EFCAB11: variants seen among roughly 807,000 people sequenced by gnomAD.
EFCAB11 encodes EF-hand calcium-binding domain-containing protein 11.
Under a neutral mutation model 23.0 loss-of-function variants are expected in EFCAB11, and 14 were observed. The ratio of observed to expected loss-of-function variants is 0.61; its 90% CI spans 0.40 to 0.95. The LOEUF is 0.95. Among genes scored for constraint, EFCAB11 ranks in the 40% least tolerant of loss-of-function variants. The pLI is 0.00. For synonymous variants in EFCAB11, 65 were observed against 66.6 expected, an observed-to-expected ratio of 0.98 and a Z score of 0.11; for missense variants, 198 against 195.8, an observed-to-expected ratio of 1.01 and a Z score of -0.07.
intron 5 of EFCAB11, among the ~76,000 whole-genome samples, chr14:89,922,330 C>T (rs1033759179): frequency 3.9e-5 from 6 of 152,194 alleles, no homozygotes; most frequent in Non-Finnish European, 8.8e-5. Flanking sequence ...GTGGTGGATT[C>T]TGAATAATAT....
At chr14:89,808,113 G>A (rs897117668) in intron 5 of EFCAB11, among the ~76,000 whole-genome samples, 6 of 152,234 alleles carry the variant, frequency 3.9e-5, no homozygotes, top group Non-Finnish European at 7.4e-5. Flanking sequence ...CCTCTCTTCC[G>A]GGGAACACAG....
intron 5 of EFCAB11, among the ~76,000 whole-genome samples, chr14:89,803,794 C>A (rs533137836): frequency 6.6e-6 from 1 of 152,340 alleles, no homozygotes; most frequent in Admixed American, 6.5e-5. Flanking sequence ...GCAGCCTTCT[C>A]TTCTGAGGAG....
chr14:89,904,328 G>A (rs182710824), intron 5 of EFCAB11, among the ~76,000 whole-genome samples: 18 of 152,210 alleles, frequency 1.2e-4, no homozygotes, highest in Middle Eastern at 3.4e-3. Flanking sequence ...TGGCTGCACA[G>A]GATTCCATGG....
At chr14:89,884,384 T>G (rs1888689512) in intron 5 of EFCAB11, among the ~76,000 whole-genome samples, 1 of 152,120 alleles carries the variant, frequency 6.6e-6, no homozygotes. Context: ...TCCCTTAATC[T>G]AATAAAGGTT....
At position 89,834,342 on chromosome 14, in the gene EFCAB11, C is replaced by T. The variant is rs537429917; in HGVS notation, c.411-37018G>A. On this transcript the variant is annotated intron_variant, in intron 5 of 5. Transcript: ENST00000316738. ...AGCGAGCCGAGATCGCACCACTGCACTCCAGCCTGGGCAACAGAGTGAGAC... is the reference window on the plus strand; with the variant it reads ...AGCGAGCCGAGATCGCACCACTGCATTCCAGCCTGGGCAACAGAGTGAGAC... 3.1e-3 allele frequency among the ~76,000 whole-genome samples: 433 copies of T among 138,570 alleles called. 2 individuals are homozygous for T. Among genetic ancestry groups the T allele is most frequent in the African/African-American group, 0.012 (416 of 35,856 alleles). 90.9% of individuals were successfully genotyped at this position (138,570 alleles called of 152,430 possible).
At chr14:89,819,734 G>A (rs1357815274) in intron 5 of EFCAB11, among the ~76,000 whole-genome samples, 2 of 152,088 alleles carry the variant, frequency 1.3e-5, no homozygotes, top group East Asian at 3.9e-4. Flanking sequence ...ACTGTGCCCA[G>A]CCCCAAAGAA....
intron 3 of EFCAB11, among the ~76,000 whole-genome samples, chr14:89,937,629 G>A (rs8003693): frequency 0.088 from 13,353 of 152,094 alleles, 1,487 homozygotes; most frequent in African/African-American, 0.26. Flanking sequence ...GGGTTCAAGC[G>A]ATTCTACTGC....
intron 5 of EFCAB11, among the ~76,000 whole-genome samples, chr14:89,813,638 C>A (rs955512297): frequency 2.0e-5 from 3 of 149,850 alleles, no homozygotes; most frequent in Non-Finnish European, 3.0e-5. Flanking sequence ...CCACCTCCCA[C>A]CCCCTGCCCC....
rs187532825 is a variant in EFCAB11 at position 89,854,815 on chromosome 14, C to T, written c.411-57491G>A. On this transcript the variant is annotated intron_variant, in intron 5 of 5. Coordinates refer to ENST00000316738, the MANE Select transcript of EFCAB11 (RefSeq NM_145231.4). ...CCATCCACCGTGCATCCTGTCACCA[C>T]GATCCTGTAGATTTAGACATGAAAT... 4.7e-3 allele frequency among the ~76,000 whole-genome samples: 716 copies of T among 152,194 alleles called. 4 individuals carry two copies. Among genetic ancestry groups the T allele is most frequent in the Non-Finnish European group, 7.9e-3 (535 of 68,034 alleles).
chr14:89,905,107 TG>T (rs1889456867), intron 5 of EFCAB11, among the ~76,000 whole-genome samples: 1 of 152,212 alleles, frequency 6.6e-6, no homozygotes, highest in Non-Finnish European at 1.5e-5. Context: ...TGGAAGGAGC[TG>T]TGACCATCTC....
chr14:89,812,675 T>C (rs1886185524), intron 5 of EFCAB11, among the ~76,000 whole-genome samples: 1 of 152,218 alleles, frequency 6.6e-6, no homozygotes, highest in Non-Finnish European at 1.5e-5. Flanking sequence ...AAAGGCATTA[T>C]ATATAAATGG....
chr14:89,821,857 G>C (rs1309694783), intron 5 of EFCAB11, among the ~76,000 whole-genome samples: 1 of 152,170 alleles, frequency 6.6e-6, no homozygotes, highest in Non-Finnish European at 1.5e-5. Flanking sequence ...TCTTGATTTA[G>C]TCTCTGGTTT....
At chr14:89,829,438 G>T (rs1031093096) in intron 5 of EFCAB11, among the ~76,000 whole-genome samples, 1 of 152,120 alleles carries the variant, frequency 6.6e-6, no homozygotes, top group African/African-American at 2.4e-5. Flanking sequence ...TGCATGCTGG[G>T]GTACGATGAT....
intron 3 of EFCAB11, among the ~76,000 whole-genome samples, chr14:89,940,366 A>T (rs924306922): frequency 6.6e-6 from 1 of 152,244 alleles, no homozygotes; most frequent in African/African-American, 2.4e-5. Flanking sequence ...CAGGTGTTTT[A>T]TGACAGAAAC....
intron 5 of EFCAB11, among the ~76,000 whole-genome samples, chr14:89,904,181 T>C (rs1889423390): frequency 6.6e-6 from 1 of 152,050 alleles, no homozygotes; most frequent in Admixed American, 6.5e-5. Flanking sequence ...CCTCTGTCCA[T>C]GTGTTCTCAT....
At chr14:89,945,112 TC>T (rs766172968) in intron 3 of EFCAB11, among the ~76,000 whole-genome samples, 1 of 150,542 alleles carries the variant, frequency 6.6e-6, no homozygotes, top group Non-Finnish European at 1.5e-5. Context: ...TGCTCTCTTT[TC>T]CCCCCCCACT....
chr14:89,887,732 T>G (rs971544095), intron 5 of EFCAB11, among the ~76,000 whole-genome samples: 8 of 152,142 alleles, frequency 5.3e-5, no homozygotes, highest in African/African-American at 1.9e-4. Flanking sequence ...TGGGAACAGG[T>G]GTTATGGAAT....
chr14:89,932,598 C>A lies in EFCAB11; in HGVS notation c.247G>T (p.Val83Phe). The part of the protein sequence containing the change: ...GILLEGFLNI[V>F]RKKKEAQRYR... Reference sequence around the variant, plus strand: ...CGTTGAGCTTCCTTCTTTTTCCTGACAATATTTAAAAACCCCTCGAGTAAT... The same window carrying A: ...CGTTGAGCTTCCTTCTTTTTCCTGAAAATATTTAAAAACCCCTCGAGTAAT... Residue 83 changes from valine to phenylalanine, a missense_variant, in exon 4 of 6, where the codon GTC becomes TTC. Physicochemically the swap from Val to Phe is conservative, Grantham distance 50. Coordinates refer to ENST00000316738, the MANE Select transcript of EFCAB11 (RefSeq NM_145231.4). 2 of 1,613,608 alleles carry A rather than the reference C, an allele frequency of 1.2e-6. No individual in the cohort carries two copies. The highest frequency in any genetic ancestry group is 1.7e-6 in the Non-Finnish European group (2 of 1,179,868).
intron 3 of EFCAB11, 90 bp downstream of exon 3, chr14:89,950,007 G>A: frequency 7.4e-7 from 1 of 1,354,028 alleles, no homozygotes; most frequent in South Asian, 1.3e-5. Context: ...CAACACATAG[G>A]AATTTGAGAT....
Sources: allele counts gnomAD v4.1 joint callset (sites outside exome capture counted in the v4.1 genomes callset), GRCh38; gene constraint gnomAD v4.1.1; transcripts MANE v1.5; gene names NCBI Gene and HGNC (gene_info 2026-07-23, HGNC 2026-07-21).